Variants in MADD observed in about 807,000 individuals in gnomAD.
The protein encoded by MADD is MAP kinase-activating death domain protein.
A neutral mutation model predicts 176.7 loss-of-function variants in MADD; 109 were observed. The ratio of observed to expected loss-of-function variants is 0.62; its 90% confidence interval spans 0.53 to 0.72. The LOEUF is 0.72. Among genes scored for constraint, MADD ranks in the 30% least tolerant of loss-of-function variants. The probability of loss-of-function intolerance (pLI) is 0.00; values close to 1 mark genes in which losing one functional copy is unlikely to be tolerated. For missense variants in MADD, 1,914 were observed against 2,045.5 expected, an observed-to-expected ratio of 0.94 and a Z score of 1.24; for synonymous variants, 771 against 771.3, an observed-to-expected ratio of 1.00 and a Z score of 0.01.
chr11:47,298,600 A>G (rs1237484761), intron 22 of MADD, among the ~76,000 whole-genome samples: 1 of 152,176 alleles, frequency 6.6e-6, no homozygotes, highest in Non-Finnish European at 1.5e-5. Context: ...TCAGATGAAT[A>G]GTTTGTAAAT....
intron 15 of MADD, 35 bp downstream of exon 15, chr11:47,286,569 C>T (rs1466524783): frequency 6.6e-7 from 1 of 1,524,804 alleles, no homozygotes; most frequent in African/African-American, 1.4e-5. Context: ...AGCCAGGTTT[C>T]TCCGGGAGAT....
chr11:47,271,422 C>T (rs760835432), intron 1 of MADD, among the ~76,000 whole-genome samples: 16 of 152,192 alleles, frequency 1.1e-4, no homozygotes, highest in Non-Finnish European at 2.2e-4. Flanking sequence ...TATCCTACCA[C>T]CCGTAGCTAG....
At chr11:47,285,466 G>A (rs1474939267) in exon 14 of MADD, 1 of 1,614,048 alleles carries the variant, frequency 6.2e-7, no homozygotes, top group Non-Finnish European at 8.5e-7. Context: ...AAAAGCTGCT[G>A]CGGCCCAACA....
At chr11:47,318,656 G>A (rs902934189) in intron 27 of MADD, among the ~76,000 whole-genome samples, 6 of 152,148 alleles carry the variant, frequency 3.9e-5, no homozygotes, top group Admixed American at 2.0e-4. Context: ...CCTCTTCCTC[G>A]AAGTGGTGCC....
intron 1 of MADD, 134 bp downstream of exon 1, chr11:47,270,380 TGGGGACGGGGGTCTGCCGAGGAGGGGC>T (rs1959207863): frequency 2.7e-5 from 1 of 37,632 alleles, no homozygotes. Flanking sequence ...TGAAGGGGCG[TGGGGACGGGGGTCTGCCGAGGAGGGGC>T]GGGGACGGGG....
At position 47,294,071 on chromosome 11, in the gene MADD, C is replaced by T. The variant is rs112829050; in HGVS notation, c.3402+88C>T. The T allele has an allele frequency of 2.1e-3, 2,329 of 1,093,258 alleles. 52 individuals carry two copies. The African/African-American group carries it at 0.032, about 15-fold the overall frequency. 67.7% of individuals were successfully genotyped at this position (1,093,258 alleles called of 1,614,324 possible). A position where few individuals can be genotyped will look rare whatever the true frequency, so the allele number is the denominator to read the frequency against. ...AGTTAAAATAGAACAGTCAGACAGC[C>T]GGGCACAGTGGCTCATGCTTGTAAT... is the stretch of plus-strand genomic sequence containing the variant. On this transcript the variant is annotated intron_variant, in intron 20 of 32. Coordinates refer to ENST00000402192, the Ensembl canonical transcript of MADD.
At chr11:47,317,369 T>C (rs1156362271) in intron 27 of MADD, among the ~76,000 whole-genome samples, 1 of 152,166 alleles carries the variant, frequency 6.6e-6, no homozygotes, top group African/African-American at 2.4e-5. Context: ...GACAATGCAT[T>C]TGTAATTTTG....
At chr11:47,284,103 T>G in intron 10 of MADD, 75 bp from the exon 11 acceptor site, 1 of 991,548 alleles carries the variant, frequency 1.0e-6, no homozygotes, top group Non-Finnish European at 1.6e-6. Flanking sequence ...CCCTTTTATT[T>G]TTCCTGGTGC....
intron 27 of MADD, among the ~76,000 whole-genome samples, chr11:47,316,643 C>T (rs2093108695): frequency 6.6e-6 from 1 of 152,038 alleles, no homozygotes; most frequent in Non-Finnish European, 1.5e-5. Context: ...CCCGCCTCGG[C>T]CTCCCAAAGT....
At chr11:47,308,190 A>G (rs1363528939) in intron 22 of MADD, among the ~76,000 whole-genome samples, 1 of 152,234 alleles carries the variant, frequency 6.6e-6, no homozygotes, top group Non-Finnish European at 1.5e-5. Flanking sequence ...CAGATAAGGA[A>G]AATGAGGCTC....
intron 22 of MADD, among the ~76,000 whole-genome samples, chr11:47,300,206 C>CTTTTTTTTTTTTTTT: frequency 7.7e-6 from 1 of 130,374 alleles, no homozygotes; most frequent in Non-Finnish European, 1.7e-5. Context: ...TTTTTTCTTT[C>CTTTTTTTTTTTTTTT]TTTTTTTTTT....
At chr11:47,297,297 G>T (rs1222820324) in intron 22 of MADD, among the ~76,000 whole-genome samples, 1 of 152,150 alleles carries the variant, frequency 6.6e-6, no homozygotes, top group Admixed American at 6.5e-5. Flanking sequence ...AATAGAGTCA[G>T]TGACCTCCCA....
At chr11:47,328,975 T>C (rs973037492) in intron 32 of MADD, 71 bp from the exon 37 acceptor site, 1 of 1,325,508 alleles carries the variant, frequency 7.5e-7, no homozygotes. Flanking sequence ...GAGTTGCCCA[T>C]TGGCAGATCC....
chr11:47,280,228 G>T (rs543999812), intron 7 of MADD, among the ~76,000 whole-genome samples: 2 of 152,180 alleles, frequency 1.3e-5, no homozygotes, highest in African/African-American at 4.8e-5. Context: ...AGGAACACCA[G>T]TAGATAACAC....
In MADD at chr11:47,281,767, G is replaced by A. The variant is rs187104764; in HGVS notation, c.1469+14G>A. On this transcript the variant is annotated intron_variant, in intron 8 of 32. Coordinates refer to ENST00000402192, the Ensembl canonical transcript of MADD. Reference sequence around the variant, plus strand: ...TGTTGCAACCAGGTAAGACCAAGCCGACTGTATAATCACAAGTTCTTAAAT... The same window carrying A: ...TGTTGCAACCAGGTAAGACCAAGCCAACTGTATAATCACAAGTTCTTAAAT... 1.8e-5 allele frequency: 28 copies of A among 1,574,800 alleles called. No homozygotes were observed. The highest frequency in any genetic ancestry group is 6.9e-5 in the Admixed American group (4 of 57,712).
In MADD at chr11:47,286,501, C is replaced by T. The variant is rs772383701; in HGVS notation, c.2620C>T (p.Arg874Ter). 7 of 1,614,060 alleles carry T rather than the reference C, an allele frequency of 4.3e-6. No individual in the cohort carries two copies. Among genetic ancestry groups the T allele is most frequent in the South Asian group, 3.3e-5 (3 of 91,074 alleles). ...CCTCACACTGCCCACCAAAGGTGCC[C>T]GAGAGAAGGCCACGCCCTTCCCCAG... Residue 874 changes from arginine to a stop codon, truncating the protein, a stop_gained, in exon 15 of 33, where the codon CGA (arginine) becomes TGA (stop). Transcript: ENST00000402192. LOFTEE classifies it high-confidence loss of function.
In MADD at chr11:47,274,118, T is replaced by C. The variant is rs192619205; in HGVS notation, c.62+142T>C. 523 of 774,540 alleles carry C rather than the reference T, an allele frequency of 6.8e-4. 3 individuals are homozygous for C. In the African/African-American group the frequency reaches 7.9e-3, roughly 12 times the overall value. 48.0% of individuals were successfully genotyped at this position (774,540 alleles called of 1,614,324 possible). On this transcript the variant is annotated intron_variant, in intron 2 of 32. Coordinates refer to ENST00000402192, the Ensembl canonical transcript of MADD. ...ACCCTGATGGGAGCATCGAAGCCAG[T>C]AGGGAAAAAACAAAATCAGGTGGAT...
Position 47,282,970 on chromosome 11 carries a change from G to C in MADD, c.1862+1G>C, listed in dbSNP as rs1366023779. 2 of 1,613,146 alleles carry C rather than the reference G, an allele frequency of 1.2e-6. No homozygotes were observed. Among genetic ancestry groups the C allele is most frequent in the Non-Finnish European group, 1.7e-6 (2 of 1,179,700 alleles). On this transcript the variant is annotated splice_donor_variant, in intron 10 of 32. Transcript: ENST00000402192. LOFTEE classifies it high-confidence loss of function. ...CTGACTCCGAACCTACTGATGATAG[G>C]TGAGCATCCTTAGGGCAGCAAAAAG... is the stretch of plus-strand genomic sequence containing the variant.
At chr11:47,302,951 T>A (rs2079066818) in intron 22 of MADD, among the ~76,000 whole-genome samples, 1 of 152,202 alleles carries the variant, frequency 6.6e-6, no homozygotes, top group South Asian at 2.1e-4. Flanking sequence ...TGTATTTTCA[T>A]GATAGTAATT....
Sources: allele counts gnomAD v4.1 joint callset (sites outside exome capture counted in the v4.1 genomes callset), GRCh38; gene constraint gnomAD v4.1.1; transcripts MANE v1.5; gene names NCBI Gene and HGNC (gene_info 2026-07-23, HGNC 2026-07-21).